Variants in SOSTDC1 observed in about 807,000 individuals in gnomAD.
The protein encoded by SOSTDC1 is sclerostin domain-containing protein 1.
In SOSTDC1, 7 loss-of-function variants were observed where a neutral mutation model predicts 15.1. The observed-to-expected ratio is 0.46, with a 90% CI of 0.26 to 0.87. The LOEUF is 0.87. Ranked by LOEUF, SOSTDC1 falls within the 40% of genes least tolerant of loss-of-function variation. The pLI is 0.15. For missense variants in SOSTDC1, 242 were observed against 259.2 expected, an observed-to-expected ratio of 0.93 and a Z score of 0.46; for synonymous variants, 94 against 93.2, an observed-to-expected ratio of 1.01 and a Z score of -0.05.
At chr7:16,463,085 C>A in intron 1 of SOSTDC1, 122 bp from the exon 2 acceptor site, 1 of 933,864 alleles carries the variant, frequency 1.1e-6, no homozygotes, top group Non-Finnish European at 1.5e-6. Flanking sequence ...AGAAAGTGAG[C>A]ACCTACTTTA....
rs776665358 is a variant in SOSTDC1 at position 16,465,566 on chromosome 7, G to A, written c.103C>T (p.His35Tyr). The change falls in exon 1 of 2, where the codon CAT becomes TAT. Residue 35 changes from histidine (H) to tyrosine (Y), a missense_variant. Transcript: ENST00000307068. ...TGTGCTGGAACAGGTTTAACCACAT[G>A]TGAATAAAGGATTTCTGTGGCATCA... is the stretch of plus-strand genomic sequence containing the variant. ...KNDATEILYS[H>Y]VVKPVPAHPS... The A allele has an allele frequency of 6.2e-7, 1 of 1,614,014 alleles. No individual in the cohort carries two copies. Among genetic ancestry groups the A allele is most frequent in the Non-Finnish European group, 8.5e-7 (1 of 1,179,996 alleles).
chr7:16,464,652 T>TTCTCTCTCTCTCTCTC (rs72323066), intron 1 of SOSTDC1, among the ~76,000 whole-genome samples: 220 of 150,332 alleles, frequency 1.5e-3, no homozygotes, highest in African/African-American at 5.2e-3. Context: ...TGCGCAGTGT[T>TTCTCTCTCTCTCTCTC]TCTCTCTCTC....
intron 1 of SOSTDC1, among the ~76,000 whole-genome samples, chr7:16,464,037 C>T (rs958164530): frequency 5.3e-5 from 8 of 151,954 alleles, no homozygotes; most frequent in Admixed American, 5.2e-4. Flanking sequence ...AGGCTGCTGA[C>T]ATTTTACAAA....
At position 16,465,716 on chromosome 7, in the gene SOSTDC1, T is replaced by A. The variant is rs6945425; in HGVS notation, c.-48A>T. 1 of 1,545,466 alleles carries A rather than the reference T, an allele frequency of 6.5e-7. No individual in the cohort carries two copies. Among genetic ancestry groups the A allele is most frequent in the Non-Finnish European group, 8.9e-7 (1 of 1,121,070 alleles). On this transcript the variant is annotated 5_prime_UTR_variant, in exon 1 of 2. In the 5' UTR this introduces an upstream ATG that the reference lacks. Coordinates refer to ENST00000307068, the MANE Select transcript of SOSTDC1 (RefSeq NM_015464.3). ...CTGAAGAGCTGGTTAATTCTTTTGC[T>A]TCTGCTTCTGCACTGTAACTGTGAA...
rs1261385846 is a variant in SOSTDC1, at chr7:16,462,332, T to C, written c.*216A>G. 40 of 530,694 alleles carry C rather than the reference T, an allele frequency of 7.5e-5. No individual in the cohort carries two copies. In the East Asian group the frequency reaches 1.2e-3, roughly 16 times the overall value. 32.9% of individuals were successfully genotyped at this position (530,694 alleles called of 1,614,324 possible). A position where few individuals can be genotyped will look rare whatever the true frequency, so the allele number is the denominator to read the frequency against. ...AGGATACGTGGAATTTAAATGCAAA[T>C]TGCATTCATGGATATACCTACATCT... On this transcript the variant is annotated 3_prime_UTR_variant, in exon 2 of 2. Transcript: ENST00000307068.
intron 1 of SOSTDC1, among the ~76,000 whole-genome samples, chr7:16,465,242 T>A (rs922663394): frequency 2.6e-5 from 4 of 152,184 alleles, no homozygotes; most frequent in Non-Finnish European, 5.9e-5. Flanking sequence ...TTGATAAAAC[T>A]TCAGTCTGTG....
At chr7:16,463,014 C>T (rs1781237987) in intron 1 of SOSTDC1, 51 bp from the exon 2 acceptor site, 1 of 1,495,484 alleles carries the variant, frequency 6.7e-7, no homozygotes, top group Middle Eastern at 1.8e-4. Context: ...CAAATGAAGA[C>T]CTTTTAAAAA....
At chr7:16,464,468 A>T in intron 1 of SOSTDC1, 3 of 969,376 alleles carry the variant, frequency 3.1e-6, no homozygotes, top group Non-Finnish European at 3.2e-6. Context: ...GTAATCTAAT[A>T]ATAATCAGAT....
chr7:16,464,509 C>T (rs543302222), intron 1 of SOSTDC1: 14 of 667,980 alleles, frequency 2.1e-5, no homozygotes, highest in African/African-American at 5.3e-5. Context: ...CAACCAGCTT[C>T]GTGAAAGTTA....
Position 16,462,605 on chromosome 7 carries a change from G to C in SOSTDC1, c.564C>G (p.Val188=). ...NFESMSPAKP[V]QHHRERKRAS... is the part of the protein sequence containing the mutation. The stretch of plus-strand genomic sequence containing the variant: ...CTCTTTTCCGCTCTCTGTGATGCTG[G>C]ACTGGCTTGGCAGGTGACATGCTCT... Residue 188 remains valine, a synonymous_variant, in exon 2 of 2, where the codon GTC becomes GTG. Coordinates refer to ENST00000307068, the MANE Select transcript of SOSTDC1 (RefSeq NM_015464.3). 6.2e-7 allele frequency: 1 copy of C among 1,614,168 alleles called. No individual in the cohort carries two copies. Among genetic ancestry groups the C allele is most frequent in the Non-Finnish European group, 8.5e-7 (1 of 1,180,022 alleles).
Position 16,462,499 on chromosome 7 carries a change from T to A in SOSTDC1, c.*49A>T. The A allele has an allele frequency of 2.5e-6, 4 of 1,573,956 alleles. No individual in the cohort carries two copies. Among genetic ancestry groups the A allele is most frequent in the Non-Finnish European group, 2.6e-6 (3 of 1,150,642 alleles). ...GGCTTGAGTCTTCCAAGCAATCAAATCTGTAAAGCAGATGGTTACTAGTAA... is the reference window on the plus strand; with the variant it reads ...GGCTTGAGTCTTCCAAGCAATCAAAACTGTAAAGCAGATGGTTACTAGTAA... On this transcript the variant is annotated 3_prime_UTR_variant, in exon 2 of 2. Transcript: ENST00000307068.
chr7:16,462,694 C>G lies in SOSTDC1; in HGVS notation c.475G>C (p.Val159Leu). The G allele has an allele frequency of 6.2e-7, 1 of 1,614,212 alleles. No homozygotes were observed. The highest frequency in any genetic ancestry group is 8.5e-7 in the Non-Finnish European group (1 of 1,180,026). ...DGSTRTYKIT[V>L]VTACKCKRYT... ...CTCTTGCACTTGCAGGCAGTGACTA[C>G]TGTGATTTTGTAGGTGCGTGTGCTG... The change falls in exon 2 of 2, where the codon GTA (valine) becomes CTA (leucine). Residue 159 changes from valine to leucine, a missense_variant. Physicochemically the swap from Val to Leu is conservative, Grantham distance 32. Coordinates refer to ENST00000307068, the MANE Select transcript of SOSTDC1 (RefSeq NM_015464.3).
chr7:16,463,135 C>T (rs188774379), intron 1 of SOSTDC1, among the ~76,000 whole-genome samples, 172 bp from the exon 2 acceptor site: 19 of 152,198 alleles, frequency 1.2e-4, no homozygotes, highest in Admixed American at 1.1e-3. Flanking sequence ...AGTATAGGGA[C>T]ACTTTCATGA....
At position 16,462,707 on chromosome 7, in the gene SOSTDC1, G is replaced by A. The variant is rs115190299; in HGVS notation, c.462C>T (p.Thr154=). ...QLQCQDGSTR[T]YKITVVTACK... is the part of the protein sequence containing the mutation. ...AGGCAGTGACTACTGTGATTTTGTA[G>A]GTGCGTGTGCTGCCATCTTGGCACT... The change falls in exon 2 of 2, where the codon ACC becomes ACT. Residue 154 remains threonine, a synonymous_variant. Coordinates refer to ENST00000307068, the MANE Select transcript of SOSTDC1 (RefSeq NM_015464.3). 3.0e-5 allele frequency: 49 copies of A among 1,614,052 alleles called. No homozygotes were observed. The highest frequency in any genetic ancestry group is 3.8e-5 in the Non-Finnish European group (45 of 1,180,046).
rs1304026803 is a variant in SOSTDC1, at chr7:16,462,191, G to C, written c.*357C>G. 5.0e-5 allele frequency: 9 copies of C among 181,010 alleles called. No individual in the cohort carries two copies. Among genetic ancestry groups the C allele is most frequent in the African/African-American group, 1.9e-4 (8 of 42,402 alleles). 11.2% of individuals were successfully genotyped at this position (181,010 alleles called of 1,614,324 possible). A position where few individuals can be genotyped will look rare whatever the true frequency, so the allele number is the denominator to read the frequency against. On this transcript the variant is annotated 3_prime_UTR_variant, in exon 2 of 2. Coordinates refer to ENST00000307068, the MANE Select transcript of SOSTDC1 (RefSeq NM_015464.3). ...TTGAAGGAGTTTTGTTTAGGAGAGGGGATGGGCCAGTAGATGGAGGGTATC... is the reference window on the plus strand; with the variant it reads ...TTGAAGGAGTTTTGTTTAGGAGAGGCGATGGGCCAGTAGATGGAGGGTATC...
At position 16,462,840 on chromosome 7, in the gene SOSTDC1, A is replaced by C; in HGVS notation, c.329T>G (p.Leu110Arg). The change falls in exon 2 of 2, where the codon CTC (leucine) becomes CGC (arginine). Residue 110 changes from leucine to arginine, a missense_variant. Transcript: ENST00000307068. ...ATAGCCTCCTCCAATCCAGTTAGGG[A>C]GCACTGGCAGGGGCAAGCACTCGCC... ...CAGECLPLPV[L>R]PNWIGGGYGT... 1 of 1,614,128 alleles carries C rather than the reference A, an allele frequency of 6.2e-7. No homozygotes were observed. Among genetic ancestry groups the C allele is most frequent in the Non-Finnish European group, 8.5e-7 (1 of 1,180,012 alleles).
chr7:16,461,749 T>C lies in SOSTDC1; in HGVS notation c.*799A>G, dbSNP rs931793860. ...GACTAAAATATTCATTTTACATATC[T>C]ACAACATGTATTTCATATTTCTAAT... On this transcript the variant is annotated 3_prime_UTR_variant, in exon 2 of 2. Transcript: ENST00000307068. The C allele has an allele frequency of 6.6e-6, 1 of 152,664 alleles. No individual in the cohort carries two copies. Among genetic ancestry groups the C allele is most frequent in the African/African-American group, 2.4e-5 (1 of 41,468 alleles). 9.5% of individuals were successfully genotyped at this position (152,664 alleles called of 1,614,324 possible). A position where few individuals can be genotyped will look rare whatever the true frequency, so the allele number is the denominator to read the frequency against.
At position 16,465,523 on chromosome 7, in the gene SOSTDC1, G is replaced by C; in HGVS notation, c.146C>G (p.Thr49Arg). 1 of 1,614,130 alleles carries C rather than the reference G, an allele frequency of 6.2e-7. No individual in the cohort carries two copies. The highest frequency in any genetic ancestry group is 8.5e-7 in the Non-Finnish European group (1 of 1,180,014). The change falls in exon 1 of 2, where the codon ACG (threonine) becomes AGG (arginine). Residue 49 changes from threonine (T) to arginine (R), a missense_variant. Transcript: ENST00000307068. Reference sequence around the variant, plus strand: ...GCCTCCATTTCTGGCTTGATTCAACGTGCTGTTGCTGCTGGGGTGTGCTGG... The same window carrying C: ...GCCTCCATTTCTGGCTTGATTCAACCTGCTGTTGCTGCTGGGGTGTGCTGG... ...PVPAHPSSNS[T>R]LNQARNGGRH...
Position 16,462,520 on chromosome 7 carries a change from A to T in SOSTDC1, c.*28T>A. On this transcript the variant is annotated 3_prime_UTR_variant, in exon 2 of 2. Transcript: ENST00000307068. ...CAAATCTGTAAAGCAGATGGTTACTAGTAAGTCTAGTTATGGGAGTCTGAG... is the reference window on the plus strand; with the variant it reads ...CAAATCTGTAAAGCAGATGGTTACTTGTAAGTCTAGTTATGGGAGTCTGAG... 1 of 1,604,494 alleles carries T rather than the reference A, an allele frequency of 6.2e-7. No homozygotes were observed. Among genetic ancestry groups the T allele is most frequent in the Non-Finnish European group, 8.5e-7 (1 of 1,172,540 alleles).
Sources: gnomAD v4.1 joint callset for allele counts (sites outside exome capture counted in the v4.1 genomes callset) on GRCh38, gnomAD v4.1.1 for gene constraint, MANE v1.5 for transcripts, NCBI Gene and HGNC (gene_info 2026-07-23, HGNC 2026-07-21) for gene names.